Variants in TAFA1 observed in about 807,000 individuals in gnomAD.
TAFA1 encodes chemokine-like protein TAFA-1.
In TAFA1, 4 loss-of-function variants were observed where a neutral mutation model predicts 18.5. That is an observed-to-expected ratio of 0.22 (90% CI 0.11 to 0.49). The LOEUF (loss-of-function observed/expected upper bound fraction) is 0.49. TAFA1 is among the 20% of genes least tolerant of loss of function. The pLI is 0.98. For synonymous variants in TAFA1, 56 were observed against 55.2 expected (o/e 1.01, Z -0.06); for missense variants, 147 against 169.0 (o/e 0.87, Z 0.72).
At chr3:68,035,532 T>TA (rs1192978869) in intron 2 of TAFA1, among the ~76,000 whole-genome samples, 1 of 151,930 alleles carries the variant, frequency 6.6e-6, no homozygotes, top group Non-Finnish European at 1.5e-5. Flanking sequence ...ATGGCAAAAA[T>TA]AAAAAAATTC....
chr3:68,507,776 A>G (rs555999309), intron 3 of TAFA1, among the ~76,000 whole-genome samples: 302 of 152,258 alleles, frequency 2.0e-3, no homozygotes, highest in Non-Finnish European at 4.0e-3. Context: ...GGCAATGAAG[A>G]TAAAATACAA....
chr3:68,053,088 T>A (rs972172283), intron 2 of TAFA1, among the ~76,000 whole-genome samples: 1 of 152,064 alleles, frequency 6.6e-6, no homozygotes, highest in South Asian at 2.1e-4. Flanking sequence ...ACCCCTGGAG[T>A]ATCTGTTAAA....
intron 3 of TAFA1, among the ~76,000 whole-genome samples, chr3:68,457,245 A>C (rs890901364): frequency 1.4e-4 from 21 of 152,316 alleles, no homozygotes; most frequent in Middle Eastern, 3.4e-3. Flanking sequence ...TATTCTCTCA[A>C]CTGTGAATGG....
At chr3:68,231,461 C>T (rs1032003912) in intron 2 of TAFA1, among the ~76,000 whole-genome samples, 5 of 146,370 alleles carry the variant, frequency 3.4e-5, no homozygotes, top group Non-Finnish European at 7.5e-5. Flanking sequence ...CCCGGGTTCA[C>T]GCCATTCTCC....
rs1476853590 is a variant in TAFA1, at chr3:68,140,524, G to C, written c.118+133780G>C. Among the ~76,000 whole-genome samples, 4 of 152,262 alleles carry C rather than the reference G, an allele frequency of 2.6e-5. No individual in the cohort carries two copies. In the East Asian group the frequency reaches 5.8e-4, roughly 22 times the overall value. On this transcript the variant is annotated intron_variant, in intron 2 of 4. Coordinates refer to ENST00000478136, the MANE Select transcript of TAFA1 (RefSeq NM_213609.4). ...ATGTATTACCAACTCTTCTCCCACT[G>C]CAAACATTTTTTGAGTGCCTACCCT...
intron 2 of TAFA1, among the ~76,000 whole-genome samples, chr3:68,097,278 T>C (rs371646118): frequency 1.3e-5 from 2 of 152,286 alleles, no homozygotes; most frequent in South Asian, 4.2e-4. Context: ...TTTTTTCTCA[T>C]AGTAGCCCTT....
At chr3:68,212,185 A>G (rs540510868) in intron 2 of TAFA1, among the ~76,000 whole-genome samples, 2 of 151,696 alleles carry the variant, frequency 1.3e-5, no homozygotes, top group African/African-American at 2.4e-5. Context: ...GCTTGGGGAG[A>G]GGAGGGGCAA....
At chr3:68,485,899 A>T (rs2072326872) in intron 3 of TAFA1, among the ~76,000 whole-genome samples, 1 of 152,028 alleles carries the variant, frequency 6.6e-6, no homozygotes, top group South Asian at 2.1e-4. Context: ...TAATTCACTG[A>T]AGGTCAGTAA....
intron 3 of TAFA1, among the ~76,000 whole-genome samples, chr3:68,500,740 C>T (rs1456264271): frequency 6.6e-6 from 1 of 151,778 alleles, no homozygotes; most frequent in Non-Finnish European, 1.5e-5. Flanking sequence ...CTACCCTAAG[C>T]AATCACTGTG....
chr3:68,242,782 T>C (rs1477758802), intron 2 of TAFA1, among the ~76,000 whole-genome samples: 1 of 152,120 alleles, frequency 6.6e-6, no homozygotes, highest in African/African-American at 2.4e-5. Context: ...TATGTAACAC[T>C]TAGCATATGG....
intron 3 of TAFA1, among the ~76,000 whole-genome samples, chr3:68,441,692 C>T (rs2071384066): frequency 1.3e-5 from 2 of 152,154 alleles, no homozygotes; most frequent in South Asian, 4.1e-4. Context: ...CCCATGGTCT[C>T]CACCTCTGCC....
intron 2 of TAFA1, among the ~76,000 whole-genome samples, chr3:68,147,716 A>T (rs968122079): frequency 6.6e-6 from 1 of 152,210 alleles, no homozygotes; most frequent in Admixed American, 6.5e-5. Flanking sequence ...AGCTCTATTG[A>T]ACGTGAATTC....
intron 2 of TAFA1, among the ~76,000 whole-genome samples, chr3:68,013,351 C>T (rs1308306125): frequency 2.0e-5 from 3 of 152,050 alleles, no homozygotes; most frequent in Non-Finnish European, 4.4e-5. Flanking sequence ...GTCAGTATAA[C>T]ATACATGTAT....
intron 3 of TAFA1, among the ~76,000 whole-genome samples, chr3:68,435,799 G>A (rs2071257771): frequency 6.6e-6 from 1 of 152,158 alleles, no homozygotes; most frequent in African/African-American, 2.4e-5. Context: ...TACTTATGCA[G>A]AAAAAGTAAG....
intron 2 of TAFA1, among the ~76,000 whole-genome samples, chr3:68,117,312 AC>A (rs1347226282): frequency 6.6e-6 from 1 of 152,190 alleles, no homozygotes; most frequent in African/African-American, 2.4e-5. Context: ...TTAATTACAT[AC>A]TATGAGATTT....
At chr3:68,215,065 A>G (rs933628185) in intron 2 of TAFA1, among the ~76,000 whole-genome samples, 4 of 152,068 alleles carry the variant, frequency 2.6e-5, no homozygotes, top group African/African-American at 4.8e-5. Context: ...AAATTCAATG[A>G]AGCATCATTA....
At chr3:68,514,531 A>C (rs1301513343) in intron 3 of TAFA1, among the ~76,000 whole-genome samples, 1 of 152,088 alleles carries the variant, frequency 6.6e-6, no homozygotes, top group African/African-American at 2.4e-5. Context: ...TTTAAACAAA[A>C]AGTTTTCTGG....
intron 3 of TAFA1, among the ~76,000 whole-genome samples, chr3:68,530,105 T>C (rs1318277719): frequency 6.6e-6 from 1 of 152,234 alleles, no homozygotes; most frequent in East Asian, 1.9e-4. Flanking sequence ...TCATGTTCTT[T>C]ATTTTATCAC....
At chr3:68,205,568 C>T (rs570573087) in intron 2 of TAFA1, among the ~76,000 whole-genome samples, 2 of 151,914 alleles carry the variant, frequency 1.3e-5, no homozygotes, top group East Asian at 2.0e-4. Context: ...TACTACAATG[C>T]GACAAAAGTG....
Sources: gnomAD v4.1 joint callset for allele counts (sites outside exome capture counted in the v4.1 genomes callset) on GRCh38, gnomAD v4.1.1 for gene constraint, MANE v1.5 for transcripts, NCBI Gene and HGNC (gene_info 2026-07-23, HGNC 2026-07-21) for gene names.